SLC44A5: variants seen among roughly 807,000 people sequenced by gnomAD.
SLC44A5 encodes solute carrier family 44 member 5.
In SLC44A5, 57 loss-of-function variants were observed where a neutral mutation model predicts 101.8. That is an observed-to-expected ratio of 0.56 (90% CI 0.45 to 0.70). The LOEUF is 0.70. Among genes scored for constraint, SLC44A5 ranks in the 30% least tolerant of loss-of-function variants. SLC44A5 has a pLI of 0.00. For synonymous variants in SLC44A5, 281 were observed against 290.9 expected (o/e 0.97, Z 0.35); for missense variants, 737 against 853.1 (o/e 0.86, Z 1.70).
At chr1:75,369,340 T>C (rs1660076607) in intron 3 of SLC44A5, among the ~76,000 whole-genome samples, 1 of 152,138 alleles carries the variant, frequency 6.6e-6, no homozygotes, top group African/African-American at 2.4e-5. Flanking sequence ...TTACATACTT[T>C]CATACAAAAT....
chr1:75,682,169 G>A, the SLC44A5 span, among the ~76,000 whole-genome samples: 7 of 152,256 alleles, frequency 4.6e-5, no homozygotes, highest in Middle Eastern at 3.4e-3. Context: ...CGTGAAAATG[G>A]CCATACTGCC....
chr1:75,638,418 T>C, the SLC44A5 span, among the ~76,000 whole-genome samples: 1 of 152,060 alleles, frequency 6.6e-6, no homozygotes, highest in Non-Finnish European at 1.5e-5. Context: ...TGTAGGATCT[T>C]AATATCAAAA....
At chr1:75,715,148 C>A in the SLC44A5 span, among the ~76,000 whole-genome samples, 49 of 152,158 alleles carry the variant, frequency 3.2e-4, no homozygotes, top group African/African-American at 1.2e-3. Flanking sequence ...TCACACACAA[C>A]ACAGAAAAAT....
the SLC44A5 span, among the ~76,000 whole-genome samples, chr1:75,676,056 G>A: frequency 6.6e-6 from 1 of 152,106 alleles, no homozygotes; most frequent in African/African-American, 2.4e-5. Context: ...ACATATGTTG[G>A]CGAGGCTGCA....
At chr1:75,233,050 G>A (rs889763330) in intron 12 of SLC44A5, among the ~76,000 whole-genome samples, 1 of 151,994 alleles carries the variant, frequency 6.6e-6, no homozygotes, top group Admixed American at 6.6e-5. Context: ...ATAATATATT[G>A]GCTCATACCT....
At chr1:75,499,924 C>T (rs554583799) in intron 2 of SLC44A5, among the ~76,000 whole-genome samples, 107 of 152,238 alleles carry the variant, frequency 7.0e-4, no homozygotes, top group African/African-American at 2.6e-3. Flanking sequence ...TTCTAGGTAA[C>T]AAAATGTGGA....
intron 1 of SLC44A5, among the ~76,000 whole-genome samples, chr1:75,581,902 G>A (rs192506183): frequency 1.3e-5 from 2 of 152,102 alleles, no homozygotes; most frequent in African/African-American, 4.8e-5. Context: ...CTGAGTCCTC[G>A]CCAAAAACAG....
At chr1:75,260,307 G>T (rs1435194433) in intron 6 of SLC44A5, among the ~76,000 whole-genome samples, 1 of 152,098 alleles carries the variant, frequency 6.6e-6, no homozygotes, top group Admixed American at 6.5e-5. Context: ...ACACACATAG[G>T]CTCAAAATAA....
intron 3 of SLC44A5, among the ~76,000 whole-genome samples, chr1:75,362,775 T>C (rs568705717): frequency 7.2e-4 from 110 of 152,190 alleles, no homozygotes; most frequent in Non-Finnish European, 1.4e-3. Context: ...CTAATCCTGT[T>C]GGACTGCATG....
chr1:75,478,242 C>A (rs924743776), intron 2 of SLC44A5, among the ~76,000 whole-genome samples: 7 of 152,024 alleles, frequency 4.6e-5, no homozygotes, highest in African/African-American at 7.2e-5. Context: ...TAAAAGAGCT[C>A]CTGAAGGAAG....
chr1:75,527,322 G>A (rs1357291204), intron 2 of SLC44A5, among the ~76,000 whole-genome samples: 1 of 145,428 alleles, frequency 6.9e-6, no homozygotes, highest in Admixed American at 6.9e-5. Flanking sequence ...GGAAGGGAGG[G>A]AGGGAGGGAG....
intron 2 of SLC44A5, among the ~76,000 whole-genome samples, chr1:75,466,510 G>T (rs558029220): frequency 6.6e-6 from 1 of 152,110 alleles, no homozygotes; most frequent in Admixed American, 6.5e-5. Flanking sequence ...CAAAAAGTTA[G>T]CTGGGCGTGG....
intron 1 of SLC44A5, among the ~76,000 whole-genome samples, chr1:75,585,755 T>G (rs1673955533): frequency 6.6e-6 from 1 of 152,174 alleles, no homozygotes; most frequent in Non-Finnish European, 1.5e-5. Flanking sequence ...TATAATACAT[T>G]TAAGAATTAA....
chr1:75,237,492 C>T (rs1176032309), intron 10 of SLC44A5, among the ~76,000 whole-genome samples: 1 of 152,066 alleles, frequency 6.6e-6, no homozygotes, highest in Non-Finnish European at 1.5e-5. Flanking sequence ...ATTTCACAAT[C>T]ATCACTGTCC....
At chr1:75,222,504 A>C (rs1001538726) in intron 13 of SLC44A5, 44 bp from the exon 14 acceptor site, 21 of 1,189,860 alleles carry the variant, frequency 1.8e-5, no homozygotes, top group Non-Finnish European at 2.5e-5. Flanking sequence ...ACAAGTAGAT[A>C]CGGAAACAAA....
chr1:75,586,951 C>T (rs372401039), intron 1 of SLC44A5, among the ~76,000 whole-genome samples: 62 of 151,820 alleles, frequency 4.1e-4, no homozygotes, highest in African/African-American at 1.3e-3. Flanking sequence ...AAACTCTAGA[C>T]GTAGATAGAG....
At chr1:75,491,907 A>G (rs1298842335) in intron 2 of SLC44A5, among the ~76,000 whole-genome samples, 1 of 152,194 alleles carries the variant, frequency 6.6e-6, no homozygotes, top group Admixed American at 6.5e-5. Flanking sequence ...AGTGGACAGA[A>G]TATGGGGTTT....
At chr1:75,715,320 A>T in the SLC44A5 span, among the ~76,000 whole-genome samples, 1 of 152,236 alleles carries the variant, frequency 6.6e-6, no homozygotes, top group Non-Finnish European at 1.5e-5. Context: ...TGAACCAAAA[A>T]GGAGCCCAAA....
chr1:75,659,443 G>GGGAGGGAAGGAAGGAA, the SLC44A5 span, among the ~76,000 whole-genome samples: 5 of 61,108 alleles, frequency 8.2e-5, 1 homozygote, highest in East Asian at 2.9e-3. Flanking sequence ...GAGGGAGGGA[G>GGGAGGGAAGGAAGGAA]GGAAGGAAGG....
Sources: allele counts gnomAD v4.1 joint callset (sites outside exome capture counted in the v4.1 genomes callset), GRCh38; gene constraint gnomAD v4.1.1; transcripts MANE v1.5; gene names NCBI Gene and HGNC (gene_info 2026-07-23, HGNC 2026-07-21).